GTF3C1: variants seen among roughly 807,000 people sequenced by gnomAD.
GTF3C1 encodes the protein general transcription factor 3C polypeptide 1.
Under a neutral mutation model 226.7 loss-of-function variants are expected in GTF3C1, and 57 were observed. That is an observed-to-expected ratio of 0.25 (90% CI 0.20 to 0.31). The LOEUF is 0.31. Ranked by LOEUF, GTF3C1 falls within the 10% of genes least tolerant of loss-of-function variation. The pLI is 1.00. For synonymous variants in GTF3C1, 1,090 were observed against 1,084.8 expected, an observed-to-expected ratio of 1.00 and a Z score of -0.09; for missense variants, 2,217 against 2,776.1, an observed-to-expected ratio of 0.80 and a Z score of 4.53.
At chr16:27,543,635 T>C (rs1609758) in intron 2 of GTF3C1, among the ~76,000 whole-genome samples, 125,118 of 152,100 alleles carry the variant, frequency 0.82, 51,777 homozygotes, top group East Asian at 1. Context: ...CAGCCTCAAG[T>C]GATCCTCCTG....
Position 27,492,719 on chromosome 16 carries a change from A to T in GTF3C1, c.2877-6T>A. 6.7e-7 allele frequency: 1 copy of T among 1,501,840 alleles called. No homozygotes were observed. Among genetic ancestry groups the T allele is most frequent in the Non-Finnish European group, 9.3e-7 (1 of 1,077,472 alleles). 93.0% of individuals were successfully genotyped at this position (1,501,840 alleles called of 1,614,324 possible). A position where few individuals can be genotyped will look rare whatever the true frequency, so the allele number is the denominator to read the frequency against. On this transcript the variant is annotated splice_region_variant and splice_polypyrimidine_tract_variant and intron_variant, in intron 17 of 36. Transcript: ENST00000356183. This position sits in a 1 kb window ranked among gnomAD's most constrained non-coding sequence, Gnocchi z 5.0. Reference sequence around the variant, plus strand: ...CCACCGAAAAAATGTAACGCCTAGAAAACAGAGGGGGCGGGAGGTTCTCAT... The same window carrying T: ...CCACCGAAAAAATGTAACGCCTAGATAACAGAGGGGGCGGGAGGTTCTCAT...
chr16:27,519,740 GAAGGA>G (rs745464990), intron 6 of GTF3C1, among the ~76,000 whole-genome samples: 5 of 152,138 alleles, frequency 3.3e-5, no homozygotes, highest in East Asian at 3.9e-4. Context: ...GAGAGAGACA[GAAGGA>G]AAGAAAGGAA....
intron 6 of GTF3C1, among the ~76,000 whole-genome samples, chr16:27,522,744 T>C (rs2088768869): frequency 6.6e-6 from 1 of 152,236 alleles, no homozygotes; most frequent in African/African-American, 2.4e-5. Flanking sequence ...CCTGGGATGT[T>C]TTCCATTTAC....
chr16:27,548,415 C>T (rs2089198925), intron 1 of GTF3C1, among the ~76,000 whole-genome samples: 2 of 152,144 alleles, frequency 1.3e-5, no homozygotes, highest in South Asian at 2.1e-4. Flanking sequence ...TACAGGCATG[C>T]GCCACCACGC....
At chr16:27,484,116 C>T (rs901649783) in intron 25 of GTF3C1, 95 bp downstream of exon 25, 2 of 940,036 alleles carry the variant, frequency 2.1e-6, no homozygotes, top group African/African-American at 3.2e-5. Flanking sequence ...CCATCAGACA[C>T]CTCAGTGTGC....
At chr16:27,533,222 G>A (rs1159575685) in intron 5 of GTF3C1, 69 bp downstream of exon 5, 1 of 754,584 alleles carries the variant, frequency 1.3e-6, no homozygotes, top group African/African-American at 1.7e-5. Flanking sequence ...ATTCCTCTAT[G>A]CCTGACAAGA....
rs1654666664 is a variant in GTF3C1 at position 27,469,202 on chromosome 16, C to G, written c.5074+89G>C. On this transcript the variant is annotated intron_variant, in intron 32 of 36. Coordinates refer to ENST00000356183, the MANE Select transcript of GTF3C1 (RefSeq NM_001520.4). This position sits in a 1 kb window ranked among gnomAD's most constrained non-coding sequence, Gnocchi z 4.5. ...TGGCTGCACGCCTGGCCTGGGGAGC[C>G]TGAAGGTCTAGGTCCCAGGCCAGGC... is the stretch of plus-strand genomic sequence containing the variant. The G allele has an allele frequency of 2.2e-6, 3 of 1,345,326 alleles. No homozygotes were observed. The highest frequency in any genetic ancestry group is 2.6e-5 in the Admixed American group (1 of 38,454). 83.3% of individuals were successfully genotyped at this position (1,345,326 alleles called of 1,614,324 possible).
intron 8 of GTF3C1, among the ~76,000 whole-genome samples, 166 bp downstream of exon 8, chr16:27,508,374 G>A (rs2088519183): frequency 6.6e-6 from 1 of 152,228 alleles, no homozygotes; most frequent in Non-Finnish European, 1.5e-5. Context: ...CTACAGTGAA[G>A]GCGAGACATA....
intron 6 of GTF3C1, among the ~76,000 whole-genome samples, chr16:27,517,329 C>T (rs2088673228): frequency 1.3e-5 from 2 of 152,132 alleles, no homozygotes; most frequent in Non-Finnish European, 1.5e-5. Context: ...GGTGCCTGTT[C>T]CAGACTACAA....
chr16:27,461,165 G>A lies in GTF3C1; in HGVS notation c.*185C>T, dbSNP rs2087696981. ...GCCTGGGGGATGGGCAGGTCGGGGA[G>A]CCCCTCTTTCCAGAGTTCCAGTACA... On this transcript the variant is annotated 3_prime_UTR_variant, in exon 37 of 37. Transcript: ENST00000356183. This position sits in a 1 kb window ranked among gnomAD's most constrained non-coding sequence, Gnocchi z 5.3. 3 of 551,756 alleles carry A rather than the reference G, an allele frequency of 5.4e-6. No homozygotes were observed. The South Asian group carries it at 7.9e-5, about 15-fold the overall frequency. 34.2% of individuals were successfully genotyped at this position (551,756 alleles called of 1,614,324 possible).
Position 27,489,189 on chromosome 16 carries a change from G to C in GTF3C1, c.3294-11C>G. ...ACCTCACGGCTTCCACTAAAAGACA[G>C]GAAATCAACAGAAAAGAGCCCTTCT... On this transcript the variant is annotated splice_polypyrimidine_tract_variant and intron_variant, in intron 20 of 36. Coordinates refer to ENST00000356183, the MANE Select transcript of GTF3C1 (RefSeq NM_001520.4). 6.2e-7 allele frequency: 1 copy of C among 1,613,668 alleles called. No individual in the cohort carries two copies. Among genetic ancestry groups the C allele is most frequent in the Non-Finnish European group, 8.5e-7 (1 of 1,179,632 alleles).
chr16:27,475,711 G>A (rs1034307962), intron 29 of GTF3C1, among the ~76,000 whole-genome samples: 2 of 152,152 alleles, frequency 1.3e-5, no homozygotes, highest in Admixed American at 1.3e-4. Context: ...TCTTTCAGCC[G>A]CAGTAGAGCG....
intron 7 of GTF3C1, among the ~76,000 whole-genome samples, chr16:27,509,561 T>G (rs2088541370): frequency 6.6e-6 from 1 of 151,512 alleles, no homozygotes; most frequent in South Asian, 2.1e-4. Context: ...ATCGAGACCA[T>G]CCTGGCTAAC....
intron 2 of GTF3C1, among the ~76,000 whole-genome samples, chr16:27,541,836 A>G (rs2089088681): frequency 6.6e-6 from 1 of 152,148 alleles, no homozygotes; most frequent in African/African-American, 2.4e-5. Flanking sequence ...TCAGGAGGGC[A>G]GGGAGCACAC....
chr16:27,471,452 G>T lies in GTF3C1; in HGVS notation c.4526+296C>A. On this transcript the variant is annotated intron_variant, in intron 30 of 36. Coordinates refer to ENST00000356183, the MANE Select transcript of GTF3C1 (RefSeq NM_001520.4). The surrounding 1 kb of genome is among the most constrained non-coding windows in gnomAD (Gnocchi z 5.0). Reference sequence around the variant, plus strand: ...GCTGGAACAGGAGGGTGGACTTCCAGCCAGGCCAATTATTAAATGCAAACT... The same window carrying T: ...GCTGGAACAGGAGGGTGGACTTCCATCCAGGCCAATTATTAAATGCAAACT... 2.9e-6 allele frequency: 1 copy of T among 347,832 alleles called. No individual in the cohort carries two copies. Among genetic ancestry groups the T allele is most frequent in the South Asian group, 3.6e-5 (1 of 27,782 alleles). 21.5% of individuals were successfully genotyped at this position (347,832 alleles called of 1,614,324 possible). A position where few individuals can be genotyped will look rare whatever the true frequency, so the allele number is the denominator to read the frequency against.
At chr16:27,511,593 A>G (rs1490993253) in intron 7 of GTF3C1, among the ~76,000 whole-genome samples, 156 bp downstream of exon 7, 2 of 152,194 alleles carry the variant, frequency 1.3e-5, no homozygotes, top group African/African-American at 4.8e-5. Context: ...TCAAACTCCA[A>G]TCTGACCTTG....
chr16:27,531,772 A>C (rs1399438178), intron 5 of GTF3C1, among the ~76,000 whole-genome samples: 3 of 152,154 alleles, frequency 2.0e-5, no homozygotes, highest in Admixed American at 2.0e-4. Flanking sequence ...TTCAATCTCC[A>C]GAGTCTGCAT....
rs1057436570 is a variant in GTF3C1 at position 27,495,889 on chromosome 16, G to A, written c.2351-397C>T. Among the ~76,000 whole-genome samples, 3 of 152,232 alleles carry A rather than the reference G, an allele frequency of 2.0e-5. No homozygotes were observed. The South Asian group carries it at 6.2e-4, about 31-fold the overall frequency. On this transcript the variant is annotated intron_variant, in intron 14 of 36. Transcript: ENST00000356183. ...GCCCCGCACATTCCTGGAAGGGGAAGTGGAGCAAGGAAGCAGAGTGCAGCA... is the reference window on the plus strand; with the variant it reads ...GCCCCGCACATTCCTGGAAGGGGAAATGGAGCAAGGAAGCAGAGTGCAGCA...
At chr16:27,467,635 T>C (rs1444434639) in intron 32 of GTF3C1, among the ~76,000 whole-genome samples, 1 of 152,042 alleles carries the variant, frequency 6.6e-6, no homozygotes. Flanking sequence ...TTTGGGAGGC[T>C]ACGGTGGGTG....
Sources: gnomAD v4.1 joint callset for allele counts (sites outside exome capture counted in the v4.1 genomes callset) on GRCh38, gnomAD v4.1.1 for gene constraint, Gnocchi (gnomAD v3.1) non-coding constraint, MANE v1.5 for transcripts, NCBI Gene and HGNC (gene_info 2026-07-23, HGNC 2026-07-21) for gene names.